Variants in PLCL1 observed in about 807,000 individuals in gnomAD.
The protein encoded by PLCL1 is phospholipase C like 1 (inactive), also known as inactive phospholipase C-like protein 1.
A neutral mutation model predicts 84.4 loss-of-function variants in PLCL1; 41 were observed. The observed-to-expected ratio is 0.49, with a 90% CI of 0.38 to 0.63. The LOEUF (loss-of-function observed/expected upper bound fraction) is 0.63. PLCL1 is among the 30% of genes least tolerant of loss of function. PLCL1 has a pLI of 0.00. For missense variants in PLCL1, 1,206 were observed against 1,367.8 expected (o/e 0.88, Z 1.87); for synonymous variants, 490 against 488.3 (o/e 1.00, Z -0.05).
chr2:197,845,587 T>C (rs1417020286), intron 1 of PLCL1, among the ~76,000 whole-genome samples: 1 of 152,152 alleles, frequency 6.6e-6, no homozygotes, highest in Non-Finnish European at 1.5e-5. Context: ...AGAATGCCAA[T>C]GCAGTGCTTC....
At chr2:197,819,298 G>C (rs774834449) in intron 1 of PLCL1, among the ~76,000 whole-genome samples, 4 of 152,122 alleles carry the variant, frequency 2.6e-5, no homozygotes, top group African/African-American at 7.2e-5. Context: ...CTAGCTTGCC[G>C]TGGGGGCTGC....
At chr2:197,963,031 G>A (rs554402580) in intron 1 of PLCL1, among the ~76,000 whole-genome samples, 10 of 152,060 alleles carry the variant, frequency 6.6e-5, no homozygotes, top group East Asian at 1.9e-4. Context: ...GTGTTGCAGC[G>A]AACATGGGAG....
At chr2:197,977,068 C>T (rs1426328196) in intron 1 of PLCL1, among the ~76,000 whole-genome samples, 1 of 152,150 alleles carries the variant, frequency 6.6e-6, no homozygotes, top group Non-Finnish European at 1.5e-5. Context: ...ACTTGCTCTG[C>T]AAATCTCCAA....
chr2:197,950,782 G>T (rs1380066014), intron 1 of PLCL1, among the ~76,000 whole-genome samples: 1 of 152,050 alleles, frequency 6.6e-6, no homozygotes, highest in Admixed American at 6.6e-5. Context: ...ATAGGAATGT[G>T]GTTTATATGT....
At chr2:198,016,145 A>G (rs1337479920) in intron 1 of PLCL1, among the ~76,000 whole-genome samples, 3 of 152,130 alleles carry the variant, frequency 2.0e-5, no homozygotes, top group Non-Finnish European at 4.4e-5. Context: ...CTGAGGAGGG[A>G]CAGATGAATG....
chr2:198,076,928 G>A (rs1222297780), intron 1 of PLCL1, among the ~76,000 whole-genome samples: 1 of 152,180 alleles, frequency 6.6e-6, no homozygotes, highest in Non-Finnish European at 1.5e-5. Context: ...ACACTTAACT[G>A]CCAAACATGG....
At chr2:197,977,939 A>G (rs1163403396) in intron 1 of PLCL1, among the ~76,000 whole-genome samples, 2 of 152,150 alleles carry the variant, frequency 1.3e-5, no homozygotes, top group African/African-American at 4.8e-5. Flanking sequence ...CAACTCTGCA[A>G]GTGAAATTAC....
At chr2:197,917,312 T>C (rs1206920120) in intron 1 of PLCL1, among the ~76,000 whole-genome samples, 1 of 152,202 alleles carries the variant, frequency 6.6e-6, no homozygotes, top group African/African-American at 2.4e-5. Flanking sequence ...TATTATTCAT[T>C]GATAAACAGA....
rs145305782 is a variant in PLCL1, at chr2:197,968,089, A to T, written c.241-115669A>T. 5.3e-5 allele frequency among the ~76,000 whole-genome samples: 8 copies of T among 152,344 alleles called. No homozygotes were observed. In the East Asian group the frequency reaches 1.3e-3, roughly 26 times the overall value. On this transcript the variant is annotated intron_variant, in intron 1 of 5. Transcript: ENST00000428675. ...TGACATTCTATTACCTCAAGATAAC[A>T]TACAAGTCTAATTTACCTAAGTGGA...
At chr2:198,082,571 C>G (rs1305548848) in intron 1 of PLCL1, among the ~76,000 whole-genome samples, 2 of 152,060 alleles carry the variant, frequency 1.3e-5, no homozygotes, top group Admixed American at 1.3e-4. Flanking sequence ...AAATTTGTTC[C>G]TGGGGCAATC....
chr2:197,866,108 CTATATATAT>C lies in PLCL1; in HGVS notation c.240+60770_240+60778del, dbSNP rs1559029467. Among the ~76,000 whole-genome samples the C allele has an allele frequency of 5.5e-3, 82 of 14,976 alleles. 16 individuals carry two copies. The highest frequency in any genetic ancestry group is 6.6e-3 in the Non-Finnish European group (67 of 10,118). 9.8% of individuals were successfully genotyped at this position (14,976 alleles called of 152,430 possible). ...TATATAAACTATATATATATATAAACTATATATATATATAAACTATATATATATATAAAC... is the reference window on the plus strand; with the variant it reads ...TATATAAACTATATATATATATAAACATATAAACTATATATATATATAAAC... On this transcript the variant is annotated intron_variant, in intron 1 of 5. Coordinates refer to ENST00000428675, the MANE Select transcript of PLCL1 (RefSeq NM_006226.4).
intron 1 of PLCL1, among the ~76,000 whole-genome samples, chr2:198,037,130 C>T (rs756659492): frequency 1.6e-4 from 25 of 152,282 alleles, no homozygotes; most frequent in African/African-American, 2.6e-4. Flanking sequence ...TAATTTTACT[C>T]GAGAGAGTCC....
chr2:198,138,072 T>C (rs577199322), intron 5 of PLCL1, among the ~76,000 whole-genome samples: 1 of 152,322 alleles, frequency 6.6e-6, no homozygotes, highest in East Asian at 1.9e-4. Flanking sequence ...CTGCAAGATT[T>C]CTGTTAAGTC....
chr2:198,102,815 C>T (rs1386622301), intron 4 of PLCL1, among the ~76,000 whole-genome samples: 1 of 151,986 alleles, frequency 6.6e-6, no homozygotes, highest in Non-Finnish European at 1.5e-5. Flanking sequence ...GTAGAAGTTC[C>T]AAGGAAGGAG....
At chr2:198,087,626 C>G (rs1214549161) in intron 2 of PLCL1, among the ~76,000 whole-genome samples, 2 of 150,646 alleles carry the variant, frequency 1.3e-5, no homozygotes, top group African/African-American at 2.4e-5. Context: ...TTTAATAGAA[C>G]AACAGGGTGA....
intron 5 of PLCL1, among the ~76,000 whole-genome samples, chr2:198,128,470 G>A (rs972628014): frequency 6.6e-6 from 1 of 152,116 alleles, no homozygotes; most frequent in Admixed American, 6.5e-5. Context: ...CTGATTGGCT[G>A]GGTCGGAGAT....
At chr2:197,887,399 A>C (rs777891426) in intron 1 of PLCL1, among the ~76,000 whole-genome samples, 14 of 152,134 alleles carry the variant, frequency 9.2e-5, no homozygotes, top group Non-Finnish European at 2.1e-4. Context: ...TTCTTTGCTC[A>C]CATAAATAAA....
chr2:198,069,260 G>A (rs1692407569), intron 1 of PLCL1, among the ~76,000 whole-genome samples: 1 of 151,906 alleles, frequency 6.6e-6, no homozygotes, highest in Non-Finnish European at 1.5e-5. Flanking sequence ...GGAGACTGAG[G>A]CGGGAGGATC....
chr2:198,104,981 G>T (rs1229501087), intron 5 of PLCL1, among the ~76,000 whole-genome samples: 1 of 151,888 alleles, frequency 6.6e-6, no homozygotes, highest in East Asian at 1.9e-4. Context: ...TTGTCTGTTT[G>T]CTGTCTTGAT....
Sources: gnomAD v4.1 joint callset for allele counts (sites outside exome capture counted in the v4.1 genomes callset) on GRCh38, gnomAD v4.1.1 for gene constraint, MANE v1.5 for transcripts, NCBI Gene and HGNC (gene_info 2026-07-23, HGNC 2026-07-21) for gene names.